The following SERPINA11 variants were observed in gnomAD, a reference collection of about 807,000 sequenced individuals.
SERPINA11 encodes the protein serpin A11.
SERPINA11 carries 28 observed loss-of-function variants against 29.4 expected under a neutral mutation model. The ratio of observed to expected loss-of-function variants is 0.95; its 90% confidence interval spans 0.70 to 1.30. SERPINA11 has a LOEUF of 1.30. Among genes scored for constraint, SERPINA11 ranks in the 50% most tolerant of loss-of-function variants. SERPINA11 has a pLI of 0.00. For missense variants in SERPINA11, 530 were observed against 507.3 expected (o/e 1.04, Z -0.43); for synonymous variants, 253 against 206.6 (o/e 1.22, Z -1.92).
rs927293601 is a variant in SERPINA11, at chr14:94,448,074, C to T, written c.643+58G>A. ...AAAGAACCTATTAGCTGGCTCTCTGCTGTAAGAGCATTTACTTGCAGAGGC... is the reference window on the plus strand; with the variant it reads ...AAAGAACCTATTAGCTGGCTCTCTGTTGTAAGAGCATTTACTTGCAGAGGC... On this transcript the variant is annotated intron_variant, in intron 2 of 4. Transcript: ENST00000334708. 7.8e-6 allele frequency: 12 copies of T among 1,531,314 alleles called. No homozygotes were observed. The South Asian group carries it at 1.4e-4, about 18-fold the overall frequency. 94.9% of individuals were successfully genotyped at this position (1,531,314 alleles called of 1,614,324 possible).
chr14:94,443,602 G>A (rs767384658), intron 3 of SERPINA11, among the ~76,000 whole-genome samples: 6 of 152,144 alleles, frequency 3.9e-5, no homozygotes, highest in South Asian at 2.1e-4. Flanking sequence ...TCCCACTTCC[G>A]TATCTGATGC....
intron 2 of SERPINA11, 109 bp downstream of exon 2, chr14:94,448,023 T>G (rs1898478779): frequency 2.8e-6 from 3 of 1,071,742 alleles, no homozygotes; most frequent in Admixed American, 4.3e-5. Context: ...CTCTATCTTA[T>G]TCATAGATTT....
intron 1 of SERPINA11, among the ~76,000 whole-genome samples, chr14:94,451,023 A>G (rs1371435540): frequency 1.3e-5 from 2 of 152,144 alleles, no homozygotes; most frequent in Non-Finnish European, 2.9e-5. Flanking sequence ...CGTTCCATTC[A>G]TTGCGCAGCA....
At chr14:94,451,230 C>T (rs538889834) in intron 1 of SERPINA11, among the ~76,000 whole-genome samples, 3 of 152,312 alleles carry the variant, frequency 2.0e-5, no homozygotes, top group African/African-American at 7.2e-5. Context: ...GCCTGCCAAA[C>T]GACAAAGGCC....
At chr14:94,451,053 C>A (rs1898577465) in intron 1 of SERPINA11, among the ~76,000 whole-genome samples, 1 of 152,236 alleles carries the variant, frequency 6.6e-6, no homozygotes, top group African/African-American at 2.4e-5. Flanking sequence ...TGCTGACCAC[C>A]TCTATCACTC....
chr14:94,446,266 G>A, intron 3 of SERPINA11, 65 bp downstream of exon 3: 1 of 1,440,152 alleles, frequency 6.9e-7, no homozygotes. Flanking sequence ...TGCAGCTGGA[G>A]TTGATCAAGA....
At position 94,442,762 on chromosome 14, in the gene SERPINA11, G is replaced by C. The variant is rs776751744; in HGVS notation, c.1113C>G (p.Ala371=). 1.2e-6 allele frequency: 2 copies of C among 1,612,950 alleles called. No individual in the cohort carries two copies. The highest frequency in any genetic ancestry group is 1.7e-5 in the Admixed American group (1 of 59,984). The part of the protein sequence containing the change: ...MVDMSEKGTE[A]GAASGLLSQP... Reference sequence around the variant, plus strand: ...GGGAGAGGAGGCCTGAAGCAGCCCCGGCCTCGGTCCCCTTCTCACTCATGT... The same window carrying C: ...GGGAGAGGAGGCCTGAAGCAGCCCCCGCCTCGGTCCCCTTCTCACTCATGT... Residue 371 remains alanine, a synonymous_variant, in exon 5 of 5, where the codon GCC becomes GCG. Transcript: ENST00000334708.
intron 3 of SERPINA11, among the ~76,000 whole-genome samples, chr14:94,446,029 A>G (rs1465152455): frequency 6.6e-6 from 1 of 152,202 alleles, no homozygotes; most frequent in Non-Finnish European, 1.5e-5. Context: ...CCAGGAAAGT[A>G]TAATAACAGT....
intron 3 of SERPINA11, 102 bp downstream of exon 3, chr14:94,446,229 G>A: frequency 9.1e-7 from 1 of 1,099,022 alleles, no homozygotes; most frequent in Non-Finnish European, 1.3e-6. Context: ...AAGATGGTGA[G>A]CCTAATCGAG....
chr14:94,443,146 T>A lies in SERPINA11; in HGVS notation c.997A>T (p.Thr333Ser). 1 of 1,613,820 alleles carries A rather than the reference T, an allele frequency of 6.2e-7. No homozygotes were observed. Among genetic ancestry groups the A allele is most frequent in the Non-Finnish European group, 8.5e-7 (1 of 1,179,728 alleles). ...LEDILPQIGL[T>S]NILNLEADFS... ...TCAGCTTCTAAGTTGAGTATGTTGGTGAGACCAATTTGGGGAAGTATGTCT... is the reference window on the plus strand; with the variant it reads ...TCAGCTTCTAAGTTGAGTATGTTGGAGAGACCAATTTGGGGAAGTATGTCT... Residue 333 changes from threonine to serine, a missense_variant, in exon 4 of 5, where the codon ACC (threonine) becomes TCC (serine). Coordinates refer to ENST00000334708, the MANE Select transcript of SERPINA11 (RefSeq NM_001080451.2).
rs748263368 is a variant in SERPINA11, at chr14:94,448,310, G to A, written c.465C>T (p.Asp155=). The change falls in exon 2 of 5, where the codon GAC becomes GAT. Residue 155 remains aspartate (D), a synonymous_variant. Transcript: ENST00000334708. ...AAGCTCCATAAAGCTCCTTGATGCT[G>A]TCCAAATAGTGCTGCCGAGGCTTTA... is the stretch of plus-strand genomic sequence containing the variant. ...KRLKPRQHYL[D]SIKELYGAFA... 1 of 1,614,262 alleles carries A rather than the reference G, an allele frequency of 6.2e-7. No homozygotes were observed. The highest frequency in any genetic ancestry group is 8.5e-7 in the Non-Finnish European group (1 of 1,180,054).
Position 94,442,629 on chromosome 14 carries a change from C to T in SERPINA11, c.1246G>A (p.Val416Ile), listed in dbSNP as rs1465254401. The T allele has an allele frequency of 6.2e-7, 1 of 1,610,622 alleles. No individual in the cohort carries two copies. ...GGTTACCCTGCAACTGGGTTGACAA[C>T]TTTTCCCAGGAAGAGTAAGCTCTGG... ...TTQSLLFLGKVVNPVAG is the reference protein window; with the variant it reads ...TTQSLLFLGKIVNPVAG Residue 416 changes from valine (V) to isoleucine (I), a missense_variant, in exon 5 of 5, where the codon GTT becomes ATT. Coordinates refer to ENST00000334708, the MANE Select transcript of SERPINA11 (RefSeq NM_001080451.2).
At chr14:94,449,572 C>T (rs1898550512) in intron 1 of SERPINA11, among the ~76,000 whole-genome samples, 1 of 144,952 alleles carries the variant, frequency 6.9e-6, no homozygotes, top group African/African-American at 2.6e-5. Flanking sequence ...TCTTTCCTTC[C>T]TTCCTTCCTT....
intron 4 of SERPINA11, 126 bp from the exon 5 acceptor site, chr14:94,442,935 A>T: frequency 8.0e-7 from 1 of 1,246,722 alleles, no homozygotes; most frequent in Non-Finnish European, 1.1e-6. Flanking sequence ...AAGCCCATGA[A>T]GAGATGCCTT....
At chr14:94,449,392 C>CTTTCTTTCT (rs1898517824) in intron 1 of SERPINA11, among the ~76,000 whole-genome samples, 1 of 37,892 alleles carries the variant, frequency 2.6e-5, no homozygotes, top group African/African-American at 6.8e-5. Flanking sequence ...CTCCCTCCCT[C>CTTTCTTTCT]TTTCTTTCTT....
intron 1 of SERPINA11, among the ~76,000 whole-genome samples, chr14:94,449,397 TTTCTTTCTA>T (rs1331149800): frequency 0.2 from 6,351 of 31,198 alleles, 639 homozygotes; most frequent in Middle Eastern, 0.24. Context: ...TCCCTCTTTC[TTTCTTTCTA>T]TTCTTTCTTT....
At chr14:94,443,255 G>C in intron 3 of SERPINA11, 30 bp from the exon 4 acceptor site, 1 of 1,601,596 alleles carries the variant, frequency 6.2e-7, no homozygotes, top group Non-Finnish European at 8.5e-7. Flanking sequence ...GAGAAATGGT[G>C]CTCTCTTGTT....
At chr14:94,443,378 T>C (rs534051052) in intron 3 of SERPINA11, among the ~76,000 whole-genome samples, 153 bp from the exon 4 acceptor site, 2 of 152,290 alleles carry the variant, frequency 1.3e-5, no homozygotes, top group East Asian at 1.9e-4. Context: ...TGGCGGACCA[T>C]GCCACTACCC....
rs1455904174 is a variant in SERPINA11, at chr14:94,448,658, C to T, written c.117G>A (p.Gln39=). ...GGTAGGCGGGGGCTGGCTCTGAGAG[C>T]TGATGCCTGGGGGGTTGAGGCCCCT... ...SLQGPQPPRH[Q]LSEPAPAYHR... is the part of the protein sequence containing the mutation. The change falls in exon 2 of 5, where the codon CAG becomes CAA. Residue 39 remains glutamine, a synonymous_variant. Coordinates refer to ENST00000334708, the MANE Select transcript of SERPINA11 (RefSeq NM_001080451.2). 1.3e-6 allele frequency: 2 copies of T among 1,590,698 alleles called. No homozygotes were observed. Among genetic ancestry groups the T allele is most frequent in the East Asian group, 2.2e-5 (1 of 44,642 alleles).
Sources: gnomAD v4.1 joint callset for allele counts (sites outside exome capture counted in the v4.1 genomes callset) on GRCh38, gnomAD v4.1.1 for gene constraint, MANE v1.5 for transcripts, NCBI Gene and HGNC (gene_info 2026-07-23, HGNC 2026-07-21) for gene names.